Variants in FSD1 observed in about 807,000 individuals in gnomAD.
The protein encoded by FSD1 is fibronectin type III and SPRY domain-containing protein 1.
Under a neutral mutation model 58.2 loss-of-function variants are expected in FSD1, and 23 were observed. The observed-to-expected ratio is 0.40, with a 90% CI of 0.28 to 0.56. The LOEUF is 0.56. FSD1 is among the 20% of genes least tolerant of loss of function. The pLI, the probability that FSD1 is intolerant of heterozygous loss-of-function variation, is 0.54. For missense variants in FSD1, 563 were observed against 670.8 expected (o/e 0.84, Z 1.78); for synonymous variants, 265 against 263.4 (o/e 1.01, Z -0.06).
chr19:4,307,845 G>T (rs769742546), intron 3 of FSD1, 37 bp from the exon 4 acceptor site: 1 of 1,536,110 alleles, frequency 6.5e-7, no homozygotes, highest in Non-Finnish European at 9.0e-7. Context: ...AGGCAGTGGG[G>T]TGAGTTGTCC....
Position 4,323,018 on chromosome 19 carries a change from T to TGGGA in FSD1, c.1075_1078dup (p.Val360GlyfsTer69). ...GCTGATCGACGGCGGGGAGCATTAC[T>TGGGA]GGGAGGTGCGCTACGAGCCGGACAG... On this transcript the variant is annotated frameshift_variant, in exon 11 of 13. Transcript: ENST00000221856. LOFTEE classifies it high-confidence loss of function. The surrounding 1 kb of genome is among the most constrained non-coding windows in gnomAD (Gnocchi z 7.7). 1.2e-6 allele frequency: 2 copies of TGGGA among 1,611,882 alleles called. No individual in the cohort carries two copies. Among genetic ancestry groups the TGGGA allele is most frequent in the Non-Finnish European group, 1.7e-6 (2 of 1,179,326 alleles).
At chr19:4,317,401 G>A (rs559505514) in intron 8 of FSD1, 121 bp downstream of exon 8, 11 of 654,876 alleles carry the variant, frequency 1.7e-5, no homozygotes, top group South Asian at 5.0e-5. Context: ...TCAAAGCTCC[G>A]TCCACAGTTG....
intron 7 of FSD1, among the ~76,000 whole-genome samples, chr19:4,312,529 C>T (rs560756222): frequency 6.6e-6 from 1 of 150,754 alleles, no homozygotes; most frequent in Admixed American, 6.6e-5. Context: ...ATAGGCCGGG[C>T]GCGGTAGCTC....
intron 7 of FSD1, among the ~76,000 whole-genome samples, chr19:4,313,191 A>C (rs1971714488): frequency 6.6e-6 from 1 of 150,910 alleles, no homozygotes. Context: ...ATAAAAAAAA[A>C]AAAAATTTAA....
At chr19:4,310,138 T>C (rs1397313149) in intron 4 of FSD1, 135 bp from the exon 5 acceptor site, 2 of 928,482 alleles carry the variant, frequency 2.2e-6, no homozygotes, top group African/African-American at 3.2e-5. Flanking sequence ...TGAGGCAGAA[T>C]TGCTTGAACC....
chr19:4,312,259 C>T (rs147280025), intron 7 of FSD1, among the ~76,000 whole-genome samples: 95 of 152,088 alleles, frequency 6.2e-4, no homozygotes, highest in African/African-American at 2.2e-3. Context: ...GAGGCTGAAG[C>T]GGGTGGATCG....
chr19:4,321,622 A>G (rs1971819776), intron 10 of FSD1, among the ~76,000 whole-genome samples: 1 of 151,070 alleles, frequency 6.6e-6, no homozygotes, highest in Non-Finnish European at 1.5e-5. Flanking sequence ...TGGAGGGACT[A>G]GCAGAGACTG....
In FSD1 at chr19:4,311,839, C is replaced by A; in HGVS notation, c.491-3C>A. The A allele has an allele frequency of 1.2e-6, 2 of 1,613,984 alleles. No homozygotes were observed. Among genetic ancestry groups the A allele is most frequent in the South Asian group, 2.2e-5 (2 of 91,030 alleles). ...GACCCCCTCTCCTTTCCGTCTTGGT[C>A]AGTGCCCAGCGCACCCGTGATCGAC... On this transcript the variant is annotated splice_polypyrimidine_tract_variant and splice_region_variant and intron_variant, in intron 6 of 12. Transcript: ENST00000221856.
Position 4,306,037 on chromosome 19 carries a change from T to C in FSD1, c.107T>C (p.Val36Ala), listed in dbSNP as rs202092717. ...TCCCTGAAACAGATGCTGCTGAACG[T>C]GGAGGTGAAGGCGGTGGGGCAGTCC... ...IYSLKQMLLN[V>A]EANSAKVQED... The change falls in exon 2 of 13, where the codon GTG (valine) becomes GCG (alanine). Residue 36 changes from valine (V) to alanine (A), a missense_variant. Coordinates refer to ENST00000221856, the MANE Select transcript of FSD1 (RefSeq NM_024333.3). 1 of 1,613,420 alleles carries C rather than the reference T, an allele frequency of 6.2e-7. No homozygotes were observed. Among genetic ancestry groups the C allele is most frequent in the East Asian group, 2.2e-5 (1 of 44,856 alleles).
At position 4,305,966 on chromosome 19, in the gene FSD1, C is replaced by G. The variant is rs767521847; in HGVS notation, c.36C>G (p.Ile12Met). Residue 12 changes from isoleucine to methionine, a missense_variant, in exon 2 of 13, where the codon ATC becomes ATG. By Grantham distance (10) the Ile-to-Met change is conservative (BLOSUM62 1). Coordinates refer to ENST00000221856, the MANE Select transcript of FSD1 (RefSeq NM_024333.3). ...TGCAGGAGGCCCTGAGGAAGATCAT[C>G]AAAACACTGGCTGTGAAGAATGAAG... The part of the protein sequence containing the change: ...EEQREALRKI[I>M]KTLAVKNEEI... 1.1e-5 allele frequency: 18 copies of G among 1,613,954 alleles called. No individual in the cohort carries two copies. The highest frequency in any genetic ancestry group is 1.5e-5 in the Non-Finnish European group (18 of 1,179,936).
chr19:4,309,295 GAATA>G (rs1971661794), intron 4 of FSD1, among the ~76,000 whole-genome samples: 1 of 152,046 alleles, frequency 6.6e-6, no homozygotes, highest in Non-Finnish European at 1.5e-5. Context: ...AAATGCAAAT[GAATA>G]AATACTTTTT....
At chr19:4,306,172 G>A in intron 2 of FSD1, 26 bp from the exon 3 acceptor site, 2 of 1,613,812 alleles carry the variant, frequency 1.2e-6, no homozygotes, top group Non-Finnish European at 1.7e-6. Context: ...CACGGGCTTT[G>A]GCCGATTCTG....
Position 4,323,300 on chromosome 19 carries a change from C to A in FSD1, c.1292-48C>A. ...TGCCTGAGTCCCCTCCGTCTGCCCCCATCCCACTTCTGACCGGTCCCACTG... is the reference window on the plus strand; with the variant it reads ...TGCCTGAGTCCCCTCCGTCTGCCCCAATCCCACTTCTGACCGGTCCCACTG... On this transcript the variant is annotated intron_variant, in intron 11 of 12. Coordinates refer to ENST00000221856, the MANE Select transcript of FSD1 (RefSeq NM_024333.3). The surrounding 1 kb of genome is among the most constrained non-coding windows in gnomAD (Gnocchi z 7.7). The A allele has an allele frequency of 1.9e-6, 3 of 1,609,704 alleles. No homozygotes were observed. Among genetic ancestry groups the A allele is most frequent in the Non-Finnish European group, 2.5e-6 (3 of 1,178,128 alleles).
intron 4 of FSD1, 89 bp downstream of exon 4, chr19:4,308,072 T>A: frequency 9.9e-7 from 1 of 1,010,022 alleles, no homozygotes; most frequent in Non-Finnish European, 1.5e-6. Flanking sequence ...AGTGTAAGTA[T>A]AGCCCACCCA....
chr19:4,312,638 C>T (rs933550205), intron 7 of FSD1, among the ~76,000 whole-genome samples: 4 of 151,174 alleles, frequency 2.6e-5, no homozygotes, highest in Non-Finnish European at 5.9e-5. Flanking sequence ...ACTGTATCTA[C>T]TAAAAAAATA....
intron 1 of FSD1, 43 bp from the exon 2 acceptor site, chr19:4,305,901 CAT>C (rs1568377526): frequency 9.8e-6 from 14 of 1,423,352 alleles, no homozygotes; most frequent in Middle Eastern, 1.8e-4. Context: ...TGTGTGCGCA[CAT>C]GTGTGTGTGC....
intron 6 of FSD1, 142 bp downstream of exon 6, chr19:4,310,738 C>A (rs1971680410): frequency 1.0e-6 from 1 of 955,214 alleles, no homozygotes; most frequent in Non-Finnish European, 1.5e-6. Flanking sequence ...GAGAATTCCA[C>A]GCCCTGTGGG....
intron 7 of FSD1, among the ~76,000 whole-genome samples, chr19:4,315,662 G>A (rs1384973659): frequency 1.5e-5 from 2 of 135,232 alleles, no homozygotes; most frequent in African/African-American, 2.8e-5. Flanking sequence ...CCAGGCTGGA[G>A]TGCAATGATG....
At chr19:4,312,088 A>G in intron 7 of FSD1, 37 bp downstream of exon 7, 4 of 1,526,072 alleles carry the variant, frequency 2.6e-6, no homozygotes, top group Non-Finnish European at 3.6e-6. Context: ...CCAGCTGTGA[A>G]CAGCCACCTC....
Sources: allele counts gnomAD v4.1 joint callset (sites outside exome capture counted in the v4.1 genomes callset), GRCh38; gene constraint gnomAD v4.1.1; non-coding constraint Gnocchi (gnomAD v3.1); transcripts MANE v1.5; gene names NCBI Gene and HGNC (gene_info 2026-07-23, HGNC 2026-07-21).